The following SCGB2B2 variants were observed in gnomAD, a reference collection of about 807,000 sequenced individuals.
SCGB2B2 encodes the protein secretoglobin family 2B member 2, also known as secretoglobin-like protein.
Under a neutral mutation model 7.6 loss-of-function variants are expected in SCGB2B2, and 11 were observed. The observed-to-expected ratio is 1.45, with a 90% CI of 0.91 to 2.40. The LOEUF (loss-of-function observed/expected upper bound fraction) is 2.40. Ranked by LOEUF, SCGB2B2 falls within the 30% of genes most tolerant of loss-of-function variation. The probability of loss-of-function intolerance (pLI) is 0.00; values close to 1 mark genes in which losing one functional copy is unlikely to be tolerated. For synonymous variants in SCGB2B2, 50 were observed against 48.6 expected, an observed-to-expected ratio of 1.03 and a Z score of -0.12; for missense variants, 104 against 115.4, an observed-to-expected ratio of 0.90 and a Z score of 0.45.
rs1266403845 is a variant in SCGB2B2, at chr19:34,594,551, A to G, written c.13T>C (p.Ser5Pro). Residue 5 changes from serine to proline, a missense_variant, in exon 2 of 4, where the codon TCC becomes CCC. By Grantham distance (74) the Ser-to-Pro change is moderately conservative. Transcript: ENST00000601241. ...GCCAGCAGAAGAGCACAGGTGGCGG[A>G]TGTCACCCTCATGACAGCGGAGTCT... is the stretch of plus-strand genomic sequence containing the variant. MRVT[S>P]ATCALLLALI... The G allele has an allele frequency of 6.2e-7, 1 of 1,612,682 alleles. No individual in the cohort carries two copies. Among genetic ancestry groups the G allele is most frequent in the African/African-American group, 1.3e-5 (1 of 74,860 alleles).
At position 34,595,987 on chromosome 19, in the gene SCGB2B2, A is replaced by T. The variant is rs1405872548; in HGVS notation, c.-1424T>A. On this transcript the variant is annotated 5_prime_UTR_variant, in exon 2 of 4. Transcript: ENST00000601241. ...CTCACTGGGCTGCTGAGAGCCATGTAGAACCGCAGAGCAGTTCCTAGATTA... is the reference window on the plus strand; with the variant it reads ...CTCACTGGGCTGCTGAGAGCCATGTTGAACCGCAGAGCAGTTCCTAGATTA... 1 of 152,380 alleles carries T rather than the reference A, an allele frequency of 6.6e-6. No individual in the cohort carries two copies. Among genetic ancestry groups the T allele is most frequent in the Non-Finnish European group, 1.5e-5 (1 of 68,162 alleles). The allele number at this position is 152,380 out of a possible 1,614,324, so 9.4% of individuals were successfully genotyped here. A position where few individuals can be genotyped will look rare whatever the true frequency, so the allele number is the denominator to read the frequency against.
chr19:34,630,655 CA>C (rs2066504302), intron 1 of SCGB2B2, among the ~76,000 whole-genome samples: 1 of 149,338 alleles, frequency 6.7e-6, no homozygotes, highest in Non-Finnish European at 1.5e-5. Flanking sequence ...AACACTTTTA[CA>C]CTGTTGGTGG....
downstream of SCGB2B2, among the ~76,000 whole-genome samples, chr19:34,589,700 A>G (rs1452594907): frequency 6.6e-6 from 1 of 152,064 alleles, no homozygotes; most frequent in Non-Finnish European, 1.5e-5. Flanking sequence ...CTAGGGGGTG[A>G]GACCTACAGT....
intron 1 of SCGB2B2, among the ~76,000 whole-genome samples, chr19:34,631,103 G>A (rs1298871508): frequency 7.6e-5 from 10 of 132,148 alleles, no homozygotes; most frequent in Non-Finnish European, 1.3e-4. Context: ...ATCACACACC[G>A]GGGCCTGTTG....
At chr19:34,634,982 TA>T in intron 1 of SCGB2B2, 1 of 288,196 alleles carries the variant, frequency 3.5e-6, no homozygotes, top group Non-Finnish European at 7.2e-6. Context: ...GAGATTTGGC[TA>T]AAAACCTTCC....
At chr19:34,602,109 A>ATAT (rs529571969) in intron 1 of SCGB2B2, among the ~76,000 whole-genome samples, 66 of 152,288 alleles carry the variant, frequency 4.3e-4, no homozygotes, top group African/African-American at 1.5e-3. Context: ...GATTAAGGAT[A>ATAT]TATTATTTTA....
In SCGB2B2 at chr19:34,594,699, G is replaced by C; in HGVS notation, c.-136C>G. 3 of 676,744 alleles carry C rather than the reference G, an allele frequency of 4.4e-6. No homozygotes were observed. The highest frequency in any genetic ancestry group is 7.7e-6 in the Non-Finnish European group (3 of 390,730). The allele number at this position is 676,744 out of a possible 1,614,324, so 41.9% of individuals were successfully genotyped here. On this transcript the variant is annotated 5_prime_UTR_variant, in exon 2 of 4. Coordinates refer to ENST00000601241, the MANE Select transcript of SCGB2B2 (RefSeq NM_001025591.4). ...TGTGTGTGTGTGTGTGTGTGTGTGTGTGTGAATGTGGTCAGGGCAGGTCTG... is the reference window on the plus strand; with the variant it reads ...TGTGTGTGTGTGTGTGTGTGTGTGTCTGTGAATGTGGTCAGGGCAGGTCTG...
At chr19:34,670,245 T>C (rs2067767452) in intron 1 of SCGB2B2, among the ~76,000 whole-genome samples, 1 of 152,182 alleles carries the variant, frequency 6.6e-6, no homozygotes, top group Non-Finnish European at 1.5e-5. Flanking sequence ...GATGTCATCA[T>C]AAAATACAGA....
At chr19:34,653,050 T>C (rs1198391279) in intron 1 of SCGB2B2, among the ~76,000 whole-genome samples, 3 of 151,346 alleles carry the variant, frequency 2.0e-5, no homozygotes, top group Non-Finnish European at 4.4e-5. Flanking sequence ...ATGCTGTCAT[T>C]TGCAGCAACA....
At chr19:34,599,354 A>G (rs1395819086) in intron 1 of SCGB2B2, among the ~76,000 whole-genome samples, 1 of 152,186 alleles carries the variant, frequency 6.6e-6, no homozygotes, top group East Asian at 1.9e-4. Flanking sequence ...GTCTCTTTTC[A>G]TGCTGCCAAT....
chr19:34,593,266 GCCAAGATC>G lies in SCGB2B2; in HGVS notation c.*281_*288del. ...ACCCAGAAGGTGGAGGCTGCAGTGA[GCCAAGATC>G]GCGCCAATGCACTCCAGCCACCCTC... is the stretch of plus-strand genomic sequence containing the variant. On this transcript the variant is annotated 3_prime_UTR_variant, in exon 4 of 4. Coordinates refer to ENST00000601241, the MANE Select transcript of SCGB2B2 (RefSeq NM_001025591.4). 2.9e-6 allele frequency: 1 copy of G among 340,734 alleles called. No homozygotes were observed. Among genetic ancestry groups the G allele is most frequent in the Non-Finnish European group, 5.4e-6 (1 of 185,188 alleles). The allele number at this position is 340,734 out of a possible 1,614,324, so 21.1% of individuals were successfully genotyped here.
At chr19:34,608,685 A>ATATATATATATATAT (rs1489127995) in intron 1 of SCGB2B2, 3 of 131,464 alleles carry the variant, frequency 2.3e-5, no homozygotes, top group Non-Finnish European at 3.4e-5. Flanking sequence ...ATATATATAT[A>ATATATATATATATAT]CCGTATTTTC....
chr19:34,612,329 G>A (rs575249126), intron 1 of SCGB2B2, among the ~76,000 whole-genome samples: 72 of 152,190 alleles, frequency 4.7e-4, no homozygotes, highest in African/African-American at 1.7e-3. Flanking sequence ...GAGCCACTGT[G>A]CCTGGCTGAA....
rs576407714 is a variant in SCGB2B2, at chr19:34,595,489, G to A, written c.-926C>T. 56 of 152,744 alleles carry A rather than the reference G, an allele frequency of 3.7e-4. 1 individual carries two copies. The highest frequency in any genetic ancestry group is 1.8e-3 in the Admixed American group (28 of 15,304). The allele number at this position is 152,744 out of a possible 1,614,324, so 9.5% of individuals were successfully genotyped here. On this transcript the variant is annotated 5_prime_UTR_variant, in exon 2 of 4. Coordinates refer to ENST00000601241, the MANE Select transcript of SCGB2B2 (RefSeq NM_001025591.4). ...TTGTTGGAGAGTAGCTAGTAGGAGC[G>A]GCCTTGACTGGGAGCCTGCACGTCT...
At chr19:34,606,035 G>A (rs1297095060) in intron 1 of SCGB2B2, among the ~76,000 whole-genome samples, 2 of 150,984 alleles carry the variant, frequency 1.3e-5, no homozygotes, top group South Asian at 2.1e-4. Flanking sequence ...GTATTTTTAC[G>A]TAGTTACTAA....
intron 1 of SCGB2B2, among the ~76,000 whole-genome samples, chr19:34,616,799 T>C (rs1386011802): frequency 2.0e-5 from 3 of 152,078 alleles, no homozygotes. Flanking sequence ...GGTTTTCTTC[T>C]AGGGTTTTTA....
intron 1 of SCGB2B2, among the ~76,000 whole-genome samples, chr19:34,624,285 G>A (rs2066311559): frequency 6.6e-6 from 1 of 152,204 alleles, no homozygotes; most frequent in African/African-American, 2.4e-5. Context: ...AAATGGAGAG[G>A]AGGGTATTCA....
chr19:34,600,918 G>GGTGTGTGTGTGT (rs59535318), intron 1 of SCGB2B2, among the ~76,000 whole-genome samples: 3 of 150,012 alleles, frequency 2.0e-5, no homozygotes, highest in Admixed American at 6.7e-5. Context: ...CTCGGGGTGT[G>GGTGTGTGTGTGT]GTGTGTGTGT....
intron 1 of SCGB2B2, among the ~76,000 whole-genome samples, chr19:34,606,506 C>CTTT (rs2065781744): frequency 8.0e-6 from 1 of 124,608 alleles, no homozygotes; most frequent in East Asian, 2.2e-4. Flanking sequence ...ACAGGTTTTT[C>CTTT]TTTTCTTTTT....
Sources: allele counts gnomAD v4.1 joint callset (sites outside exome capture counted in the v4.1 genomes callset), GRCh38; gene constraint gnomAD v4.1.1; transcripts MANE v1.5; gene names NCBI Gene and HGNC (gene_info 2026-07-23, HGNC 2026-07-21).